Variants in OSBPL10 observed in about 807,000 individuals in gnomAD.
OSBPL10 encodes the protein oxysterol-binding protein-related protein 10.
A neutral mutation model predicts 81.7 loss-of-function variants in OSBPL10; 49 were observed. The ratio of observed to expected loss-of-function variants is 0.60; its 90% confidence interval spans 0.48 to 0.76. OSBPL10 has a LOEUF of 0.76. Ranked by LOEUF, OSBPL10 falls within the 30% of genes least tolerant of loss-of-function variation. The pLI is 0.00. For missense variants in OSBPL10, 923 were observed against 987.8 expected (o/e 0.93, Z 0.88); for synonymous variants, 419 against 383.6 (o/e 1.09, Z -1.08).
chr3:31,958,798 G>A (rs975838644), intron 1 of OSBPL10, among the ~76,000 whole-genome samples: 1 of 152,034 alleles, frequency 6.6e-6, no homozygotes, highest in Non-Finnish European at 1.5e-5. Context: ...TAGCAAATAA[G>A]GTTTTATTGG....
At chr3:32,006,424 C>T (rs1699205838) in intron 2 of OSBPL10, among the ~76,000 whole-genome samples, 1 of 152,188 alleles carries the variant, frequency 6.6e-6, no homozygotes, top group Non-Finnish European at 1.5e-5. Flanking sequence ...TACTATATCA[C>T]ATTAAAAATG....
chr3:31,910,744 C>G (rs1559514534), intron 1 of OSBPL10, among the ~76,000 whole-genome samples: 1 of 152,198 alleles, frequency 6.6e-6, no homozygotes, highest in Non-Finnish European at 1.5e-5. Flanking sequence ...AAAGGCTGTA[C>G]TGACATACCC....
chr3:31,823,438 A>C (rs1057398544), intron 4 of OSBPL10, among the ~76,000 whole-genome samples: 2 of 152,136 alleles, frequency 1.3e-5, no homozygotes, highest in Non-Finnish European at 2.9e-5. Context: ...GGAGTGGGTG[A>C]GTAAGCAAGC....
rs1038766717 is a variant in OSBPL10, at chr3:31,835,771, T to C, written c.538-5540A>G. ...CTCTTCCTCTAAAAAAATTGTGCCATATCTAAATATGTGAAAGCTAAGGAT... is the reference window on the plus strand; with the variant it reads ...CTCTTCCTCTAAAAAAATTGTGCCACATCTAAATATGTGAAAGCTAAGGAT... On this transcript the variant is annotated intron_variant, in intron 3 of 11. Coordinates refer to ENST00000396556, the MANE Select transcript of OSBPL10 (RefSeq NM_017784.5). 3.3e-5 allele frequency among the ~76,000 whole-genome samples: 5 copies of C among 152,232 alleles called. 1 individual carries two copies. Among genetic ancestry groups the C allele is most frequent in the African/African-American group, 1.2e-4 (5 of 41,456 alleles).
chr3:31,793,547 A>G (rs557795246), intron 4 of OSBPL10, among the ~76,000 whole-genome samples: 1 of 152,226 alleles, frequency 6.6e-6, no homozygotes, highest in African/African-American at 2.4e-5. Context: ...AAGAAATCCA[A>G]AACTAAGCAC....
chr3:31,905,895 G>GAAAAA (rs59527757), intron 1 of OSBPL10, among the ~76,000 whole-genome samples: 2 of 144,416 alleles, frequency 1.4e-5, no homozygotes, highest in African/African-American at 2.5e-5. Context: ...CTCAAAGAAG[G>GAAAAA]AAAAAAAAAA....
At chr3:31,821,537 A>G (rs975342313) in intron 4 of OSBPL10, among the ~76,000 whole-genome samples, 1 of 152,124 alleles carries the variant, frequency 6.6e-6, no homozygotes, top group Non-Finnish European at 1.5e-5. Context: ...AACCCACTCT[A>G]TTGCTTTAAA....
intron 10 of OSBPL10, 51 bp downstream of exon 10, chr3:31,668,591 C>A: frequency 6.7e-7 from 1 of 1,486,616 alleles, no homozygotes; most frequent in South Asian, 1.4e-5. Flanking sequence ...TCCCTTGAGT[C>A]AGGTGCCCAG....
intron 1 of OSBPL10, among the ~76,000 whole-genome samples, chr3:31,969,242 T>A (rs1015973267): frequency 6.6e-6 from 1 of 152,126 alleles, no homozygotes; most frequent in African/African-American, 2.4e-5. Flanking sequence ...AAGACATCTG[T>A]CAGCACTTAC....
chr3:32,058,249 C>A (rs1410401838), intron 1 of OSBPL10, among the ~76,000 whole-genome samples: 1 of 152,118 alleles, frequency 6.6e-6, no homozygotes, highest in African/African-American at 2.4e-5. Flanking sequence ...ATGTGATAAA[C>A]CAACTTTAGC....
At chr3:31,778,842 A>T (rs1019176216) in intron 4 of OSBPL10, among the ~76,000 whole-genome samples, 5 of 152,194 alleles carry the variant, frequency 3.3e-5, no homozygotes, top group Admixed American at 3.3e-4. Context: ...TATAAAGGAA[A>T]ACCTATCAGA....
chr3:31,915,202 GA>G (rs1378970358), intron 1 of OSBPL10, among the ~76,000 whole-genome samples: 9 of 150,722 alleles, frequency 6.0e-5, no homozygotes, highest in Admixed American at 3.9e-4. Context: ...TAACAGGGGG[GA>G]AAAAAAACCA....
chr3:31,789,564 G>A (rs1698959342), intron 4 of OSBPL10, among the ~76,000 whole-genome samples: 1 of 152,240 alleles, frequency 6.6e-6, no homozygotes, highest in Admixed American at 6.5e-5. Context: ...TGAAAGAAGT[G>A]GTGGGGGACC....
intron 1 of OSBPL10, among the ~76,000 whole-genome samples, chr3:31,918,928 T>C (rs1344421667): frequency 6.6e-6 from 1 of 152,164 alleles, no homozygotes; most frequent in East Asian, 1.9e-4. Context: ...CAAAGCCCAT[T>C]TGTGGTTTCG....
intron 1 of OSBPL10, among the ~76,000 whole-genome samples, chr3:31,944,833 TAAAAAAAAAAAAAAAAAAAAAAAA>T (rs869140991): frequency 6.9e-4 from 38 of 55,118 alleles, no homozygotes; most frequent in Admixed American, 3.1e-3. Flanking sequence ...CCCCTCTCTT[TAAAAAAAAAAAAAAAAAAAAAAAA>T]AAAAAAAAAA....
At chr3:31,952,060 C>CAT (rs139306725) in intron 1 of OSBPL10, among the ~76,000 whole-genome samples, 3,044 of 152,150 alleles carry the variant, frequency 0.02, 114 homozygotes, top group African/African-American at 0.068. Flanking sequence ...GCTCTAAAGA[C>CAT]AAACTTATTT....
chr3:31,978,382 A>AT (rs1698741858), intron 1 of OSBPL10, among the ~76,000 whole-genome samples: 1 of 152,232 alleles, frequency 6.6e-6, no homozygotes, highest in African/African-American at 2.4e-5. Context: ...TTCCTGCCAC[A>AT]TAGTAGGTGC....
chr3:31,871,727 ATGGTGTG>A (rs1053362362), intron 3 of OSBPL10, among the ~76,000 whole-genome samples: 1 of 152,136 alleles, frequency 6.6e-6, no homozygotes, highest in African/African-American at 2.4e-5. Context: ...GCCGGGGATG[ATGGTGTG>A]TGCCTGTGGC....
chr3:31,901,540 CAA>C (rs1696241328), intron 1 of OSBPL10, among the ~76,000 whole-genome samples: 1 of 152,202 alleles, frequency 6.6e-6, no homozygotes, highest in African/African-American at 2.4e-5. Context: ...TGCCCTTGAG[CAA>C]AGTCTTCCCT....
Sources: gnomAD v4.1 joint callset for allele counts (sites outside exome capture counted in the v4.1 genomes callset) on GRCh38, gnomAD v4.1.1 for gene constraint, MANE v1.5 for transcripts, NCBI Gene and HGNC (gene_info 2026-07-23, HGNC 2026-07-21) for gene names.